The following KLHL29 variants were observed in gnomAD, a reference collection of about 807,000 sequenced individuals.
KLHL29 encodes the protein kelch like family member 29, also known as kelch-like protein 29.
In KLHL29, 21 loss-of-function variants were observed where a neutral mutation model predicts 80.4. That is an observed-to-expected ratio of 0.26 (90% CI 0.19 to 0.38). The LOEUF is 0.38. Ranked by LOEUF, KLHL29 falls within the 10% of genes least tolerant of loss-of-function variation. The probability of loss-of-function intolerance (pLI) is 1.00; values close to 1 mark genes in which losing one functional copy is unlikely to be tolerated. For missense variants in KLHL29, 867 were observed against 1,223.9 expected (o/e 0.71, Z 4.35); for synonymous variants, 511 against 526.8 (o/e 0.97, Z 0.41).
chr2:23,464,166 G>A (rs1261844895), intron 1 of KLHL29, among the ~76,000 whole-genome samples: 1 of 152,152 alleles, frequency 6.6e-6, no homozygotes, highest in Non-Finnish European at 1.5e-5. Flanking sequence ...GTCTGTTTTT[G>A]TTAGACTTTT....
chr2:23,452,492 C>A (rs1223621966), intron 1 of KLHL29, among the ~76,000 whole-genome samples: 2 of 152,056 alleles, frequency 1.3e-5, no homozygotes, highest in Admixed American at 6.5e-5. Flanking sequence ...ACATCCAAAC[C>A]GTGTCAGATG....
At chr2:23,516,380 T>TC (rs962194697) in intron 2 of KLHL29, among the ~76,000 whole-genome samples, 1 of 151,642 alleles carries the variant, frequency 6.6e-6, no homozygotes, top group African/African-American at 2.4e-5. Flanking sequence ...TTAACAAACT[T>TC]CCCCTTAATA....
At chr2:23,600,392 A>G (rs1027274577) in intron 3 of KLHL29, among the ~76,000 whole-genome samples, 7 of 152,186 alleles carry the variant, frequency 4.6e-5, no homozygotes, top group African/African-American at 1.7e-4. Context: ...CATGGACTGG[A>G]GAAGGAGAGA....
intron 3 of KLHL29, among the ~76,000 whole-genome samples, chr2:23,618,138 C>G (rs150300380): frequency 3.4e-4 from 52 of 152,238 alleles, no homozygotes; most frequent in Middle Eastern, 3.4e-3. Flanking sequence ...GGAAGGAATT[C>G]TCCAGCCCTG....
At chr2:23,441,919 C>T (rs1282546763) in intron 1 of KLHL29, among the ~76,000 whole-genome samples, 5 of 152,176 alleles carry the variant, frequency 3.3e-5, no homozygotes, top group Non-Finnish European at 1.5e-5. Flanking sequence ...AAACCAGTCA[C>T]ATAGTATGAT....
chr2:23,620,939 C>T (rs1027887596), intron 3 of KLHL29, among the ~76,000 whole-genome samples: 8 of 152,256 alleles, frequency 5.3e-5, no homozygotes, highest in Admixed American at 2.6e-4. Flanking sequence ...ATTCTACCCA[C>T]GGGGATGACC....
intron 2 of KLHL29, among the ~76,000 whole-genome samples, chr2:23,508,681 A>G (rs1221496201): frequency 6.6e-6 from 1 of 152,224 alleles, no homozygotes; most frequent in East Asian, 1.9e-4. Flanking sequence ...ACAAAACCCA[A>G]AGTCTTGATA....
At chr2:23,491,326 T>C (rs955975218) in intron 2 of KLHL29, among the ~76,000 whole-genome samples, 1 of 152,148 alleles carries the variant, frequency 6.6e-6, no homozygotes, top group African/African-American at 2.4e-5. Flanking sequence ...GGAGCTCAGA[T>C]GGACTGGCCT....
chr2:23,428,155 A>T (rs972870489), intron 1 of KLHL29, among the ~76,000 whole-genome samples: 3 of 152,238 alleles, frequency 2.0e-5, no homozygotes, highest in African/African-American at 2.4e-5. Flanking sequence ...GACAGCTGCC[A>T]TCCAGAGAGA....
intron 2 of KLHL29, among the ~76,000 whole-genome samples, chr2:23,484,129 G>A (rs1277539124): frequency 6.6e-6 from 1 of 152,116 alleles, no homozygotes; most frequent in Non-Finnish European, 1.5e-5. Context: ...TCACCCTCCT[G>A]AGCCAAGTGG....
chr2:23,648,081 C>T (rs1447535854), intron 5 of KLHL29, among the ~76,000 whole-genome samples: 5 of 151,984 alleles, frequency 3.3e-5, no homozygotes, highest in Non-Finnish European at 7.4e-5. Context: ...GGAAAGTGCC[C>T]TTAGGAGAGC....
At chr2:23,634,487 T>A (rs1439788372) in intron 3 of KLHL29, among the ~76,000 whole-genome samples, 1 of 152,164 alleles carries the variant, frequency 6.6e-6, no homozygotes. Flanking sequence ...GGAAGCTTCT[T>A]CTCGAGGCTT....
intron 5 of KLHL29, among the ~76,000 whole-genome samples, chr2:23,648,418 C>T (rs1206721263): frequency 6.6e-6 from 1 of 152,012 alleles, no homozygotes; most frequent in East Asian, 1.9e-4. Context: ...TTTTAGGGGC[C>T]CAGGTTAATG....
chr2:23,590,343 G>A (rs1054345831), intron 3 of KLHL29, among the ~76,000 whole-genome samples: 26 of 152,274 alleles, frequency 1.7e-4, no homozygotes, highest in Non-Finnish European at 1.2e-4. Flanking sequence ...GCCCTCGGTC[G>A]GGCAGGTCCT....
In KLHL29 at chr2:23,544,930, A is replaced by G. The variant is rs576343045; in HGVS notation, c.-45-17222A>G. Among the ~76,000 whole-genome samples, 6 of 152,292 alleles carry G rather than the reference A, an allele frequency of 3.9e-5. No individual in the cohort carries two copies. In the South Asian group the frequency reaches 1.0e-3, roughly 26 times the overall value. On this transcript the variant is annotated intron_variant, in intron 2 of 13. Transcript: ENST00000486442. ...AAGGCCTTTGGCTTTTTCTTAGGGT[A>G]GGATGGGAGCCATTGCAGGGACTTG...
In KLHL29 at chr2:23,589,809, T is replaced by G. The variant is rs547166571; in HGVS notation, c.285+27328T>G. Among the ~76,000 whole-genome samples the G allele has an allele frequency of 1.5e-3, 227 of 152,330 alleles. 1 individual carries two copies. Among genetic ancestry groups the G allele is most frequent in the African/African-American group, 5.1e-3 (211 of 41,586 alleles). On this transcript the variant is annotated intron_variant, in intron 3 of 13. Coordinates refer to ENST00000486442, the MANE Select transcript of KLHL29 (RefSeq NM_052920.2). Reference sequence around the variant, plus strand: ...CTCAGAACAATTCTCTCAGGAGCCTTCCCAAATTTGGGACTCAGTGACCTT... The same window carrying G: ...CTCAGAACAATTCTCTCAGGAGCCTGCCCAAATTTGGGACTCAGTGACCTT...
intron 1 of KLHL29, among the ~76,000 whole-genome samples, chr2:23,434,003 G>A (rs1042276140): frequency 6.6e-6 from 1 of 152,110 alleles, no homozygotes; most frequent in African/African-American, 2.4e-5. Context: ...CTGTGGGTGT[G>A]TGCAAGTGTG....
At chr2:23,599,743 G>A (rs1185946371) in intron 3 of KLHL29, among the ~76,000 whole-genome samples, 2 of 152,146 alleles carry the variant, frequency 1.3e-5, no homozygotes, top group Admixed American at 6.5e-5. Context: ...TCGGTTCCGT[G>A]GATAGGGAGT....
rs571179249 is a variant in KLHL29, at chr2:23,691,912, A to G, written c.1282+36A>G. On this transcript the variant is annotated intron_variant, in intron 7 of 13. Coordinates refer to ENST00000486442, the MANE Select transcript of KLHL29 (RefSeq NM_052920.2). ...GGGCCACATATGTCGCTTGGGGGGA[A>G]GAGTGCAGATGGGCGGAGAACTCCA... 1,305 of 1,536,948 alleles carry G rather than the reference A, an allele frequency of 8.5e-4. 3 individuals carry two copies. The highest frequency in any genetic ancestry group is 1.1e-3 in the Non-Finnish European group (1,269 of 1,140,780).
Sources: gnomAD v4.1 joint callset for allele counts (sites outside exome capture counted in the v4.1 genomes callset) on GRCh38, gnomAD v4.1.1 for gene constraint, MANE v1.5 for transcripts, NCBI Gene and HGNC (gene_info 2026-07-23, HGNC 2026-07-21) for gene names.